CHRM3: variants seen among roughly 807,000 people sequenced by gnomAD.
CHRM3 encodes cholinergic receptor muscarinic 3.
In CHRM3, 11 loss-of-function variants were observed where a neutral mutation model predicts 41.8. The ratio of observed to expected loss-of-function variants is 0.26; its 90% CI spans 0.17 to 0.44. CHRM3 has a LOEUF of 0.44. Among genes scored for constraint, CHRM3 ranks in the 20% least tolerant of loss-of-function variants. The pLI is 1.00. For missense variants in CHRM3, 571 were observed against 745.4 expected (o/e 0.77, Z 2.72); for synonymous variants, 297 against 301.4 (o/e 0.99, Z 0.15).
chr1:239,590,551 T>C (rs886761948), intron 3 of CHRM3, among the ~76,000 whole-genome samples: 3 of 152,158 alleles, frequency 2.0e-5, no homozygotes, highest in African/African-American at 7.2e-5. Flanking sequence ...TTTTAAAAAG[T>C]CTTTATAATT....
chr1:239,788,854 C>T (rs1443622764), intron 5 of CHRM3, among the ~76,000 whole-genome samples: 1 of 152,178 alleles, frequency 6.6e-6, no homozygotes, highest in Non-Finnish European at 1.5e-5. Context: ...ATGAAATTTT[C>T]ATTCAATTGT....
chr1:239,765,675 T>A (rs1667142204), intron 5 of CHRM3, among the ~76,000 whole-genome samples: 1 of 150,742 alleles, frequency 6.6e-6, no homozygotes, highest in African/African-American at 2.4e-5. Flanking sequence ...CTGCTGTATT[T>A]GATGTAAGAA....
At chr1:239,559,219 T>C (rs1660648138) in intron 3 of CHRM3, among the ~76,000 whole-genome samples, 2 of 152,216 alleles carry the variant, frequency 1.3e-5, no homozygotes, top group Admixed American at 6.5e-5. Flanking sequence ...GTCTCTATTA[T>C]TCACAGTCTA....
At chr1:239,491,794 T>G (rs192368072) in intron 1 of CHRM3, among the ~76,000 whole-genome samples, 185 of 152,320 alleles carry the variant, frequency 1.2e-3, no homozygotes, top group Non-Finnish European at 2.0e-3. Context: ...ATAATTTACA[T>G]TCCAATCAAC....
chr1:239,793,097 A>C (rs562461959), intron 5 of CHRM3, among the ~76,000 whole-genome samples: 25 of 152,316 alleles, frequency 1.6e-4, no homozygotes, highest in South Asian at 6.2e-4. Context: ...GACTTTTCCC[A>C]GTGTTAGAAA....
At chr1:239,582,750 T>C (rs1350963832) in intron 3 of CHRM3, among the ~76,000 whole-genome samples, 1 of 152,112 alleles carries the variant, frequency 6.6e-6, no homozygotes, top group Non-Finnish European at 1.5e-5. Flanking sequence ...CACTTAACTA[T>C]GTCACTCCCC....
At position 239,908,160 on chromosome 1, in the gene CHRM3, A is replaced by C. The variant is rs1173536206; in HGVS notation, c.709A>C (p.Ile237Leu). 1 of 1,614,158 alleles carries C rather than the reference A, an allele frequency of 6.2e-7. No individual in the cohort carries two copies. The highest frequency in any genetic ancestry group is 8.5e-7 in the Non-Finnish European group (1 of 1,180,028). ...GCCCACCATTACTTTTGGCACAGCC[A>C]TCGCTGCTTTTTATATGCCTGTCAC... ...SEPTITFGTA[I>L]AAFYMPVTIM... Residue 237 changes from isoleucine to leucine, a missense_variant, in exon 7 of 7, where the codon ATC (isoleucine) becomes CTC (leucine). This residue lies in a region of CHRM3 where 153 missense variants were observed against 296.3 expected (regional missense o/e 0.52). Coordinates refer to ENST00000676153, the MANE Select transcript of CHRM3 (RefSeq NM_001375978.1). The surrounding 1 kb of genome is among the most constrained non-coding windows in gnomAD (Gnocchi z 7.2).
rs560969968 is a variant in CHRM3, at chr1:239,812,224, G to A, written c.-146-15028G>A. Among the ~76,000 whole-genome samples the A allele has an allele frequency of 5.3e-5, 8 of 152,256 alleles. 1 individual carries two copies. The highest frequency in any genetic ancestry group is 3.4e-3 in the Middle Eastern group (1 of 294). On this transcript the variant is annotated intron_variant, in intron 5 of 6. Coordinates refer to ENST00000676153, the MANE Select transcript of CHRM3 (RefSeq NM_001375978.1). ...CCAGCTAATTTTTGTATTTTTTGTA[G>A]AGATGGGGTTTTGCCATGTTGCCCA...
intron 1 of CHRM3, among the ~76,000 whole-genome samples, chr1:239,480,056 G>T (rs1463431836): frequency 1.3e-5 from 2 of 152,158 alleles, no homozygotes; most frequent in African/African-American, 4.8e-5. Flanking sequence ...TATGCAATCT[G>T]TAGTTGACTG....
At chr1:239,817,868 T>G (rs946249982) in intron 5 of CHRM3, among the ~76,000 whole-genome samples, 3 of 152,138 alleles carry the variant, frequency 2.0e-5, no homozygotes, top group African/African-American at 7.2e-5. Context: ...TGCCACTTAC[T>G]AGCCACGCGA....
chr1:239,903,422 A>G (rs184067543), intron 6 of CHRM3, among the ~76,000 whole-genome samples: 1 of 152,326 alleles, frequency 6.6e-6, no homozygotes, highest in East Asian at 1.9e-4. Flanking sequence ...AGTTTATGAA[A>G]TGCAGAGGCT....
intron 6 of CHRM3, among the ~76,000 whole-genome samples, chr1:239,859,055 T>C (rs1675360366): frequency 9.2e-5 from 14 of 152,202 alleles, no homozygotes; most frequent in Admixed American, 9.2e-4. Flanking sequence ...CTATGAACAT[T>C]TATGTACAAG....
Position 239,386,622 on chromosome 1 carries a change from AG to A in CHRM3, c.-1124del, listed in dbSNP as rs1469262124. 1.3e-5 allele frequency: 2 copies of A among 154,212 alleles called. No homozygotes were observed. Among genetic ancestry groups the A allele is most frequent in the Non-Finnish European group, 2.9e-5 (2 of 69,688 alleles). 9.6% of individuals were successfully genotyped at this position (154,212 alleles called of 1,614,324 possible). Reference sequence around the variant, plus strand: ...AGGAGCAGGAGGAACGCGAGGAGGAAGGAGAGGAGGAGCGGCCAGCAGTAGC... The same window carrying A: ...AGGAGCAGGAGGAACGCGAGGAGGAAGAGAGGAGGAGCGGCCAGCAGTAGC... On this transcript the variant is annotated 5_prime_UTR_variant, in exon 1 of 7. Coordinates refer to ENST00000676153, the MANE Select transcript of CHRM3 (RefSeq NM_001375978.1).
intron 1 of CHRM3, among the ~76,000 whole-genome samples, chr1:239,437,456 G>T (rs114992840): frequency 6.6e-6 from 1 of 152,312 alleles, no homozygotes; most frequent in Non-Finnish European, 1.5e-5. Context: ...GCCACTCTCT[G>T]TTCTCTGGGA....
At chr1:239,435,330 G>GT (rs1663160093) in intron 1 of CHRM3, among the ~76,000 whole-genome samples, 3 of 151,946 alleles carry the variant, frequency 2.0e-5, no homozygotes, top group Admixed American at 2.0e-4. Context: ...GGTGCCTGTA[G>GT]TCCAGCTACT....
chr1:239,516,117 C>T (rs1669252163), intron 2 of CHRM3, among the ~76,000 whole-genome samples: 1 of 152,112 alleles, frequency 6.6e-6, no homozygotes, highest in Non-Finnish European at 1.5e-5. Context: ...TTACTTGCAA[C>T]AACCATTTGT....
At position 239,672,047 on chromosome 1, in the gene CHRM3, G is replaced by C. The variant is rs576993132; in HGVS notation, c.-249-6139G>C. On this transcript the variant is annotated intron_variant, in intron 4 of 6. Coordinates refer to ENST00000676153, the MANE Select transcript of CHRM3 (RefSeq NM_001375978.1). The stretch of plus-strand genomic sequence containing the variant: ...TTTTATCCCAGAGAATGAAAGGCAT[G>C]TTGGTAAAGATGAGTTATGCACAAG... 1.6e-3 allele frequency among the ~76,000 whole-genome samples: 239 copies of C among 152,296 alleles called. 1 individual carries two copies. The highest frequency in any genetic ancestry group is 1.2e-3 in the Non-Finnish European group (79 of 68,026).
intron 3 of CHRM3, among the ~76,000 whole-genome samples, chr1:239,579,762 T>G (rs937352183): frequency 2.0e-5 from 3 of 152,208 alleles, no homozygotes; most frequent in Non-Finnish European, 4.4e-5. Flanking sequence ...TAGTACTCAC[T>G]GTATGGCAGG....
chr1:239,822,193 T>A, intron 5 of CHRM3, among the ~76,000 whole-genome samples: 1 of 152,198 alleles, frequency 6.6e-6, no homozygotes, highest in East Asian at 1.9e-4. Flanking sequence ...CTAAATTATA[T>A]CTTTCGAAAG....
Sources: allele counts gnomAD v4.1 joint callset (sites outside exome capture counted in the v4.1 genomes callset), GRCh38; gene constraint gnomAD v4.1.1; regional missense constraint gnomAD v4.1.1; non-coding constraint Gnocchi (gnomAD v3.1); transcripts MANE v1.5; gene names NCBI Gene and HGNC (gene_info 2026-07-23, HGNC 2026-07-21).